Variants in FOXP1 observed in about 807,000 individuals in gnomAD.
The protein encoded by FOXP1 is forkhead box protein P1.
FOXP1 carries 15 observed loss-of-function variants against 98.2 expected under a neutral mutation model. The ratio of observed to expected loss-of-function variants is 0.15; its 90% CI spans 0.10 to 0.24. FOXP1 has a LOEUF of 0.24. FOXP1 is among the 10% of genes least tolerant of loss of function. FOXP1 has a pLI of 1.00. For synonymous variants in FOXP1, 371 were observed against 314.5 expected (o/e 1.18, Z -1.90); for missense variants, 633 against 848.5 (o/e 0.75, Z 3.15).
chr3:71,425,300 AT>A (rs2084051316), intron 3 of FOXP1, among the ~76,000 whole-genome samples: 1 of 152,076 alleles, frequency 6.6e-6, no homozygotes, highest in Non-Finnish European at 1.5e-5. Flanking sequence ...TTGTTGTTGT[AT>A]TTTTAGTAGA....
intron 6 of FOXP1, among the ~76,000 whole-genome samples, chr3:71,127,788 T>C (rs1432884499): frequency 2.0e-5 from 3 of 152,238 alleles, no homozygotes; most frequent in Non-Finnish European, 4.4e-5. Flanking sequence ...TGGGGTGTTC[T>C]GAGTATTAAC....
intron 2 of FOXP1, among the ~76,000 whole-genome samples, chr3:71,536,402 C>G (rs1221359742): frequency 6.6e-6 from 1 of 152,110 alleles, no homozygotes; most frequent in Non-Finnish European, 1.5e-5. Flanking sequence ...CCCAGTCACC[C>G]TAGTCAGCAA....
chr3:71,283,459 G>A (rs1056861035), intron 5 of FOXP1, among the ~76,000 whole-genome samples: 56 of 152,210 alleles, frequency 3.7e-4, no homozygotes, highest in African/African-American at 1.4e-3. Context: ...GGAGCTGAAA[G>A]AGAAATGGGG....
chr3:71,111,511 C>T (rs1229066201), intron 7 of FOXP1, among the ~76,000 whole-genome samples: 1 of 152,174 alleles, frequency 6.6e-6, no homozygotes, highest in Non-Finnish European at 1.5e-5. Context: ...GATTCTCCTG[C>T]CTCAGCCTCC....
At chr3:71,212,761 T>G (rs560275290) in intron 5 of FOXP1, among the ~76,000 whole-genome samples, 1 of 152,294 alleles carries the variant, frequency 6.6e-6, no homozygotes, top group Admixed American at 6.5e-5. Flanking sequence ...TGACCCAGCA[T>G]TAGCCTCATT....
rs150788559 is a variant in FOXP1 at position 71,193,748 on chromosome 3, C to T, written c.180+4454G>A. Reference sequence around the variant, plus strand: ...ACAGGCATGAGCCACCACAGACAGCCTCTACATCCCCTTTGAATGTACATA... The same window carrying T: ...ACAGGCATGAGCCACCACAGACAGCTTCTACATCCCCTTTGAATGTACATA... On this transcript the variant is annotated intron_variant, in intron 6 of 20. Coordinates refer to ENST00000649528, the MANE Select transcript of FOXP1 (RefSeq NM_001349338.3). Among the ~76,000 whole-genome samples, 802 of 152,288 alleles carry T rather than the reference C, an allele frequency of 5.3e-3. 10 individuals carry two copies. The highest frequency in any genetic ancestry group is 0.019 in the African/African-American group (778 of 41,544).
At chr3:71,460,981 G>A (rs917930457) in intron 3 of FOXP1, among the ~76,000 whole-genome samples, 2 of 152,052 alleles carry the variant, frequency 1.3e-5, no homozygotes, top group African/African-American at 4.8e-5. Flanking sequence ...AAAAACAACC[G>A]GTACAGTTTT....
At chr3:71,176,128 G>A (rs2061925579) in intron 6 of FOXP1, among the ~76,000 whole-genome samples, 1 of 152,190 alleles carries the variant, frequency 6.6e-6, no homozygotes, top group Admixed American at 6.5e-5. Context: ...TTGTTGGTCA[G>A]AATAGGGTTC....
intron 6 of FOXP1, among the ~76,000 whole-genome samples, chr3:71,116,823 T>C (rs1010189700): frequency 1.3e-5 from 2 of 152,244 alleles, no homozygotes; most frequent in Admixed American, 6.5e-5. Context: ...CCTTAGTGTA[T>C]AACACTATGT....
intron 14 of FOXP1, among the ~76,000 whole-genome samples, chr3:70,983,117 A>AT (rs1338130177): frequency 1.3e-5 from 2 of 152,188 alleles, no homozygotes; most frequent in Non-Finnish European, 1.5e-5. Flanking sequence ...GGGCAGGACA[A>AT]TGGGTGGCAG....
chr3:71,166,507 T>C (rs1240083598), intron 6 of FOXP1, among the ~76,000 whole-genome samples: 1 of 152,236 alleles, frequency 6.6e-6, no homozygotes, highest in Non-Finnish European at 1.5e-5. Context: ...CTTGTTTACA[T>C]GTGTTTGGCC....
chr3:71,043,264 T>C (rs762761752), intron 10 of FOXP1, among the ~76,000 whole-genome samples: 6 of 152,176 alleles, frequency 3.9e-5, no homozygotes, highest in Non-Finnish European at 8.8e-5. Flanking sequence ...AAAAATCAAA[T>C]GCCAATTATA....
chr3:71,334,435 G>A (rs1162297979), intron 4 of FOXP1: 1 of 152,006 alleles, frequency 6.6e-6, no homozygotes, highest in Admixed American at 6.6e-5. Context: ...AGGAATCCCT[G>A]GAGAGGAAAG....
At chr3:71,135,129 C>T (rs137953345) in intron 6 of FOXP1, among the ~76,000 whole-genome samples, 5 of 151,576 alleles carry the variant, frequency 3.3e-5, no homozygotes, top group South Asian at 2.1e-4. Context: ...CGCGGTGATG[C>T]GTGCCTGTTG....
intron 4 of FOXP1, among the ~76,000 whole-genome samples, chr3:71,331,926 T>C (rs561488155): frequency 6.6e-6 from 1 of 152,208 alleles, no homozygotes; most frequent in Admixed American, 6.5e-5. Context: ...AGTTCAGGGA[T>C]TGTAAATGCA....
intron 3 of FOXP1, among the ~76,000 whole-genome samples, chr3:71,431,970 G>A (rs187680475): frequency 6.6e-6 from 1 of 152,200 alleles, no homozygotes; most frequent in African/African-American, 2.4e-5. Flanking sequence ...GTCATTCTGT[G>A]TTGCATCTGA....
At chr3:71,517,781 CT>C (rs2042690598) in intron 2 of FOXP1, among the ~76,000 whole-genome samples, 1 of 152,194 alleles carries the variant, frequency 6.6e-6, no homozygotes, top group African/African-American at 2.4e-5. Context: ...CCTCAGTCTC[CT>C]CAACTTAAGA....
At chr3:71,244,668 T>G (rs2106951907) in intron 5 of FOXP1, among the ~76,000 whole-genome samples, 1 of 152,070 alleles carries the variant, frequency 6.6e-6, no homozygotes. Context: ...ACACCTCTGC[T>G]ACATCTCATC....
At chr3:70,978,109 C>G (rs991848495) in intron 14 of FOXP1, 80 bp from the exon 15 acceptor site, 7 of 1,184,594 alleles carry the variant, frequency 5.9e-6, no homozygotes, top group South Asian at 1.2e-5. Context: ...AGGAGTAACA[C>G]AGAGGATGCG....
Sources: allele counts gnomAD v4.1 joint callset (sites outside exome capture counted in the v4.1 genomes callset), GRCh38; gene constraint gnomAD v4.1.1; transcripts MANE v1.5; gene names NCBI Gene and HGNC (gene_info 2026-07-23, HGNC 2026-07-21).